Variants in SACM1L observed in about 807,000 individuals in gnomAD.
SACM1L encodes the protein phosphatidylinositol-3-phosphatase SAC1.
A neutral mutation model predicts 89.5 loss-of-function variants in SACM1L; 32 were observed. The ratio of observed to expected loss-of-function variants is 0.36; its 90% confidence interval spans 0.27 to 0.48. The LOEUF (loss-of-function observed/expected upper bound fraction) is 0.48, where lower values mean the gene tolerates loss of function less well. Ranked by LOEUF, SACM1L falls within the 20% of genes least tolerant of loss-of-function variation. The probability of loss-of-function intolerance (pLI) is 0.99; values close to 1 mark genes in which losing one functional copy is unlikely to be tolerated. For missense variants in SACM1L, 543 were observed against 708.5 expected, an observed-to-expected ratio of 0.77 and a Z score of 2.65; for synonymous variants, 213 against 232.8, an observed-to-expected ratio of 0.92 and a Z score of 0.77.
chr3:45,736,889 A>C (rs1407490139), intron 14 of SACM1L, among the ~76,000 whole-genome samples: 1 of 152,136 alleles, frequency 6.6e-6, no homozygotes, highest in Admixed American at 6.5e-5. Flanking sequence ...AAGGTCACCA[A>C]GGTGGCTCCT....
At chr3:45,743,391 A>G (rs1699356900) in intron 19 of SACM1L, 142 bp from the exon 20 acceptor site, 1 of 835,060 alleles carries the variant, frequency 1.2e-6, no homozygotes, top group Non-Finnish European at 1.8e-6. Context: ...CCACTGGTTT[A>G]AACCTTAATT....
chr3:45,689,526 C>T, intron 1 of SACM1L, 29 bp downstream of exon 1: 1 of 1,559,186 alleles, frequency 6.4e-7, no homozygotes. Flanking sequence ...AGGCCTGAGG[C>T]GCGGCGGGCG....
At chr3:45,709,096 T>C (rs1325503326) in intron 4 of SACM1L, among the ~76,000 whole-genome samples, 1 of 152,210 alleles carries the variant, frequency 6.6e-6, no homozygotes, top group Non-Finnish European at 1.5e-5. Flanking sequence ...ATTTATGTGT[T>C]TTATTTGTCG....
chr3:45,735,816 A>G (rs995006483), intron 14 of SACM1L, among the ~76,000 whole-genome samples: 1 of 152,230 alleles, frequency 6.6e-6, no homozygotes, highest in Non-Finnish European at 1.5e-5. Context: ...ACCAATAATG[A>G]ATCAGTAAAT....
intron 7 of SACM1L, among the ~76,000 whole-genome samples, chr3:45,718,370 A>T (rs932219407): frequency 6.6e-6 from 1 of 152,086 alleles, no homozygotes; most frequent in African/African-American, 2.4e-5. Context: ...AGACAAGGGA[A>T]TAATGAACTG....
chr3:45,711,726 T>TTTTG, intron 5 of SACM1L, among the ~76,000 whole-genome samples: 1 of 152,270 alleles, frequency 6.6e-6, no homozygotes, highest in South Asian at 2.1e-4. Flanking sequence ...TCAATGTTTT[T>TTTTG]ATGTACGGCC....
rs369061043 is a variant in SACM1L, at chr3:45,732,169, C to T, written c.1100+18C>T. Reference sequence around the variant, plus strand: ...GAATTAAGGTAAGCTATATTATTTCCTTAAGGAGGTAGAGGGAAGAGGTAT... The same window carrying T: ...GAATTAAGGTAAGCTATATTATTTCTTTAAGGAGGTAGAGGGAAGAGGTAT... On this transcript the variant is annotated intron_variant, in intron 13 of 19. Coordinates refer to ENST00000389061, the MANE Select transcript of SACM1L (RefSeq NM_014016.5). 13 of 1,479,430 alleles carry T rather than the reference C, an allele frequency of 8.8e-6. No homozygotes were observed. The African/African-American group carries it at 1.5e-4, about 18-fold the overall frequency. The allele number at this position is 1,479,430 out of a possible 1,614,324, so 91.6% of individuals were successfully genotyped here. A position where few individuals can be genotyped will look rare whatever the true frequency, so the allele number is the denominator to read the frequency against.
At chr3:45,733,531 T>G (rs2125703835) in intron 13 of SACM1L, among the ~76,000 whole-genome samples, 1 of 152,304 alleles carries the variant, frequency 6.6e-6, no homozygotes, top group East Asian at 1.9e-4. Context: ...TAAACGAACC[T>G]TACCAATTCT....
At chr3:45,694,126 A>C (rs2673058) in intron 1 of SACM1L, among the ~76,000 whole-genome samples, 73,371 of 152,030 alleles carry the variant, frequency 0.48, 18,236 homozygotes, top group Middle Eastern at 0.57. Context: ...GGTTCAGTGG[A>C]AAGTTAGAGG....
intron 4 of SACM1L, among the ~76,000 whole-genome samples, chr3:45,708,399 G>A (rs1698447736): frequency 6.6e-6 from 1 of 151,904 alleles, no homozygotes; most frequent in African/African-American, 2.4e-5. Context: ...TTACATGTTT[G>A]CTATTTAAAA....
intron 19 of SACM1L, among the ~76,000 whole-genome samples, chr3:45,742,513 A>G (rs1699337360): frequency 6.6e-6 from 1 of 152,186 alleles, no homozygotes; most frequent in Admixed American, 6.5e-5. Context: ...TGAGGCCAGT[A>G]GTGTTGCAGA....
chr3:45,744,575 T>G lies in SACM1L; in HGVS notation c.*906T>G, dbSNP rs1448524416. ...ATTGCACTTGGAGGGTAACAGCTGC[T>G]TTTTCACGCATGGTACTCTTGATGT... On this transcript the variant is annotated 3_prime_UTR_variant, in exon 20 of 20. Coordinates refer to ENST00000389061, the MANE Select transcript of SACM1L (RefSeq NM_014016.5). 1 of 152,648 alleles carries G rather than the reference T, an allele frequency of 6.6e-6. No individual in the cohort carries two copies. The highest frequency in any genetic ancestry group is 1.5e-5 in the Non-Finnish European group (1 of 68,032). The allele number at this position is 152,648 out of a possible 1,614,324, so 9.5% of individuals were successfully genotyped here. A position where few individuals can be genotyped will look rare whatever the true frequency, so the allele number is the denominator to read the frequency against.
At chr3:45,706,143 A>C (rs1698386679) in intron 3 of SACM1L, among the ~76,000 whole-genome samples, 2 of 152,192 alleles carry the variant, frequency 1.3e-5, no homozygotes, top group Admixed American at 1.3e-4. Context: ...TGTGGGTAGA[A>C]TGTTGAACAG....
At chr3:45,699,523 T>C (rs1266569531) in intron 1 of SACM1L, among the ~76,000 whole-genome samples, 2 of 152,146 alleles carry the variant, frequency 1.3e-5, no homozygotes, top group African/African-American at 4.8e-5. Flanking sequence ...CCTTGGTTCT[T>C]GTTATTTGCT....
chr3:45,695,907 G>A (rs1698111452), intron 1 of SACM1L, among the ~76,000 whole-genome samples: 1 of 151,900 alleles, frequency 6.6e-6, no homozygotes. Flanking sequence ...GCCTCATGAA[G>A]TGGCAGTATT....
At chr3:45,723,317 A>T (rs183404127) in intron 10 of SACM1L, among the ~76,000 whole-genome samples, 158 bp from the exon 11 acceptor site, 1 of 152,232 alleles carries the variant, frequency 6.6e-6, no homozygotes, top group Admixed American at 6.5e-5. Flanking sequence ...GATGACATTT[A>T]GAATAGCTAG....
intron 7 of SACM1L, among the ~76,000 whole-genome samples, chr3:45,717,472 G>A (rs1370905467): frequency 6.6e-6 from 1 of 152,198 alleles, no homozygotes; most frequent in Non-Finnish European, 1.5e-5. Context: ...TTACTTCTAG[G>A]TGAGAACACA....
chr3:45,735,486 T>G, intron 14 of SACM1L, 113 bp downstream of exon 14: 1 of 1,057,126 alleles, frequency 9.5e-7, no homozygotes, highest in Non-Finnish European at 1.3e-6. Context: ...CCCAGCTCTT[T>G]TTATTTTTGT....
chr3:45,731,611 A>G (rs569151132), intron 12 of SACM1L, among the ~76,000 whole-genome samples: 12 of 152,250 alleles, frequency 7.9e-5, no homozygotes, highest in Admixed American at 7.2e-4. Flanking sequence ...TCCCTCATTG[A>G]GGCTTTGTGC....
Sources: gnomAD v4.1 joint callset for allele counts (sites outside exome capture counted in the v4.1 genomes callset) on GRCh38, gnomAD v4.1.1 for gene constraint, MANE v1.5 for transcripts, NCBI Gene and HGNC (gene_info 2026-07-23, HGNC 2026-07-21) for gene names.